Variants in TNFAIP8 observed in about 807,000 individuals in gnomAD.
The protein encoded by TNFAIP8 is tumor necrosis factor alpha-induced protein 8.
A neutral mutation model predicts 13.3 loss-of-function variants in TNFAIP8; 7 were observed. That is an observed-to-expected ratio of 0.52 (90% CI 0.30 to 0.99). The LOEUF (loss-of-function observed/expected upper bound fraction) is 0.99. Ranked by LOEUF, TNFAIP8 falls within the 50% of genes least tolerant of loss-of-function variation. The pLI is 0.07. For missense variants in TNFAIP8, 258 were observed against 236.9 expected, an observed-to-expected ratio of 1.09 and a Z score of -0.58; for synonymous variants, 94 against 87.6, an observed-to-expected ratio of 1.07 and a Z score of -0.41.
intron 1 of TNFAIP8, among the ~76,000 whole-genome samples, chr5:119,324,612 G>A (rs916891493): frequency 3.3e-5 from 5 of 152,068 alleles, no homozygotes; most frequent in African/African-American, 9.7e-5. Context: ...TTATTTATAT[G>A]ATTTCATGGG....
At chr5:119,339,457 G>GT (rs397884992) in intron 1 of TNFAIP8, among the ~76,000 whole-genome samples, 3,170 of 116,096 alleles carry the variant, frequency 0.027, 55 homozygotes, top group Middle Eastern at 0.05. Flanking sequence ...CTCTTGTGGT[G>GT]TTTTTTTTTT....
chr5:119,380,745 C>T (rs550277100), intron 1 of TNFAIP8, among the ~76,000 whole-genome samples: 1 of 152,100 alleles, frequency 6.6e-6, no homozygotes, highest in South Asian at 2.1e-4. Context: ...TGTAGCCTAG[C>T]GGTAGAGTTA....
chr5:119,355,849 G>T, upstream of TNFAIP8: 2 of 1,085,008 alleles, frequency 1.8e-6, no homozygotes, highest in Non-Finnish European at 2.3e-6. Flanking sequence ...GCCGGCCCGA[G>T]CGCGCGGCTC....
chr5:119,275,464 C>T (rs755136859), intron 1 of TNFAIP8, among the ~76,000 whole-genome samples: 7 of 152,156 alleles, frequency 4.6e-5, no homozygotes, highest in East Asian at 1.9e-4. Flanking sequence ...TGGAAGAGCA[C>T]GGGCCCAACT....
chr5:119,288,188 T>C (rs1048902672), intron 1 of TNFAIP8, among the ~76,000 whole-genome samples: 5 of 152,246 alleles, frequency 3.3e-5, no homozygotes, highest in Admixed American at 6.5e-5. Flanking sequence ...GCTGTGACCA[T>C]AGAATATACA....
Position 119,393,064 on chromosome 5 carries a change from G to T in TNFAIP8, c.280G>T (p.Asp94Tyr). 1 of 1,613,832 alleles carries T rather than the reference G, an allele frequency of 6.2e-7. No individual in the cohort carries two copies. Among genetic ancestry groups the T allele is most frequent in the Non-Finnish European group, 8.5e-7 (1 of 1,179,814 alleles). ...TTATAGGAATAATCAGTTTAATCAA[G>T]ATGAGCTAGCATTGATGGAGAAATT... The part of the protein sequence containing the change: ...ILYRNNQFNQ[D>Y]ELALMEKFKK... Residue 94 changes from aspartate (D) to tyrosine (Y), a missense_variant, in exon 2 of 2, where the codon GAT becomes TAT. Transcript: ENST00000504771.
chr5:119,360,531 A>G (rs1033436697), intron 1 of TNFAIP8, among the ~76,000 whole-genome samples: 2 of 152,200 alleles, frequency 1.3e-5, no homozygotes, highest in Non-Finnish European at 2.9e-5. Flanking sequence ...TCTCCCACCA[A>G]ATACACATAG....
chr5:119,317,668 G>A (rs150892465), intron 1 of TNFAIP8, among the ~76,000 whole-genome samples: 337 of 151,370 alleles, frequency 2.2e-3, no homozygotes, highest in African/African-American at 7.8e-3. Context: ...GCGCGATTTC[G>A]GCTCACTGCA....
intron 1 of TNFAIP8, among the ~76,000 whole-genome samples, chr5:119,300,916 G>A (rs1347203278): frequency 6.6e-6 from 1 of 152,236 alleles, no homozygotes; most frequent in African/African-American, 2.4e-5. Context: ...TGCAGGTGCA[G>A]ATGGGAGTTA....
chr5:119,330,063 A>G (rs1750326048), intron 1 of TNFAIP8, among the ~76,000 whole-genome samples: 2 of 152,056 alleles, frequency 1.3e-5, no homozygotes, highest in South Asian at 4.2e-4. Context: ...GAGTAAGTTG[A>G]ATAGAGGAGG....
intron 1 of TNFAIP8, among the ~76,000 whole-genome samples, chr5:119,304,144 G>A (rs1465396): frequency 0.056 from 8,457 of 151,206 alleles, 513 homozygotes; most frequent in African/African-American, 0.15. Flanking sequence ...GTAGAGATAC[G>A]GTCTTGCTCT....
At chr5:119,331,924 T>C (rs780228650) in intron 1 of TNFAIP8, among the ~76,000 whole-genome samples, 9 of 152,176 alleles carry the variant, frequency 5.9e-5, no homozygotes, top group Non-Finnish European at 1.2e-4. Context: ...GCGAAGTCCT[T>C]GTGATTTAGG....
At chr5:119,291,724 G>A (rs1297322105) in intron 1 of TNFAIP8, among the ~76,000 whole-genome samples, 3 of 152,258 alleles carry the variant, frequency 2.0e-5, no homozygotes, top group Non-Finnish European at 2.9e-5. Flanking sequence ...TAGTTTGAAT[G>A]GAATAGTCAT....
At chr5:119,305,036 C>T (rs546994059) in intron 1 of TNFAIP8, among the ~76,000 whole-genome samples, 7 of 152,104 alleles carry the variant, frequency 4.6e-5, no homozygotes, top group African/African-American at 1.4e-4. Flanking sequence ...GGGAGGTGAA[C>T]GTCAATCTGT....
In TNFAIP8 at chr5:119,345,978, T is replaced by C. The variant is rs145212343; in HGVS notation, c.2-46838T>C. On this transcript the variant is annotated intron_variant, in intron 1 of 1. Coordinates refer to the TNFAIP8 transcript ENST00000274456. ...AACAGGAAGTAAAGAGAACTTTAAA[T>C]AACAGAGGAATAGCAGATATAAGGA... Among the ~76,000 whole-genome samples, 656 of 152,264 alleles carry C rather than the reference T, an allele frequency of 4.3e-3. 7 individuals are homozygous for C. The highest frequency in any genetic ancestry group is 0.014 in the African/African-American group (601 of 41,554).
intron 1 of TNFAIP8, among the ~76,000 whole-genome samples, chr5:119,328,890 G>A (rs1457221927): frequency 6.6e-6 from 1 of 152,220 alleles, no homozygotes; most frequent in Admixed American, 6.5e-5. Flanking sequence ...TCAGGCCTCT[G>A]TTTATATTCA....
chr5:119,333,218 A>G (rs1451679858), intron 1 of TNFAIP8: 2 of 1,008,602 alleles, frequency 2.0e-6, no homozygotes, highest in East Asian at 1.8e-4. Context: ...GTAATCTTGC[A>G]TTTCTATGTA....
chr5:119,282,462 T>C (rs1306962421), intron 1 of TNFAIP8, among the ~76,000 whole-genome samples: 1 of 152,236 alleles, frequency 6.6e-6, no homozygotes, highest in African/African-American at 2.4e-5. Context: ...GCAGAAGGTA[T>C]GTGGGTGCAG....
chr5:119,388,630 T>TTTTTCTTTTCTTTTC (rs113406514), intron 1 of TNFAIP8, among the ~76,000 whole-genome samples: 1 of 150,596 alleles, frequency 6.6e-6, no homozygotes, highest in Non-Finnish European at 1.5e-5. Flanking sequence ...AGCATCTTTT[T>TTTTTCTTTTCTTTTC]TTTTCTTTTC....
Sources: allele counts gnomAD v4.1 joint callset (sites outside exome capture counted in the v4.1 genomes callset), GRCh38; gene constraint gnomAD v4.1.1; transcripts MANE v1.5; gene names NCBI Gene and HGNC (gene_info 2026-07-23, HGNC 2026-07-21).